Variants in KCNJ3 observed in about 807,000 individuals in gnomAD.
KCNJ3 encodes potassium inwardly rectifying channel subfamily J member 3, also known as G protein-activated inward rectifier potassium channel 1.
Under a neutral mutation model 39.2 loss-of-function variants are expected in KCNJ3, and 4 were observed. That is an observed-to-expected ratio of 0.10 (90% CI 0.05 to 0.23). The LOEUF is 0.23. Ranked by LOEUF, KCNJ3 falls within the 10% of genes least tolerant of loss-of-function variation. KCNJ3 has a pLI of 1.00. For missense variants in KCNJ3, 276 were observed against 634.9 expected (o/e 0.43, Z 6.08); for synonymous variants, 230 against 237.4 (o/e 0.97, Z 0.29).
At chr2:154,802,891 G>A (rs1686844176) in intron 2 of KCNJ3, among the ~76,000 whole-genome samples, 1 of 151,920 alleles carries the variant, frequency 6.6e-6, no homozygotes, top group Admixed American at 6.6e-5. Flanking sequence ...GGAATTGCCT[G>A]TATGGATTGA....
At chr2:154,761,253 C>T (rs1362339340) in intron 2 of KCNJ3, among the ~76,000 whole-genome samples, 2 of 151,952 alleles carry the variant, frequency 1.3e-5, no homozygotes, top group Non-Finnish European at 2.9e-5. Context: ...TTTTCTCCAT[C>T]AAACTGTAGT....
At chr2:154,735,716 G>A (rs1558859993) in intron 2 of KCNJ3, among the ~76,000 whole-genome samples, 1 of 151,912 alleles carries the variant, frequency 6.6e-6, no homozygotes, top group Non-Finnish European at 1.5e-5. Context: ...AAATGTAGTT[G>A]GTCCTTTATA....
At chr2:154,781,348 A>AT (rs1686434385) in intron 2 of KCNJ3, among the ~76,000 whole-genome samples, 1 of 152,224 alleles carries the variant, frequency 6.6e-6, no homozygotes, top group Non-Finnish European at 1.5e-5. Context: ...AATGAACCTT[A>AT]TGACTGTATC....
At chr2:154,730,238 C>T (rs2105166676) in intron 2 of KCNJ3, among the ~76,000 whole-genome samples, 1 of 152,138 alleles carries the variant, frequency 6.6e-6, no homozygotes, top group African/African-American at 2.4e-5. Context: ...AACTTCCTCC[C>T]ACCCCACTGA....
intron 2 of KCNJ3, among the ~76,000 whole-genome samples, chr2:154,716,544 T>C (rs561366845): frequency 7.6e-4 from 115 of 152,256 alleles, no homozygotes; most frequent in Admixed American, 1.2e-3. Flanking sequence ...TTGCAACTCT[T>C]TTTATGCATA....
chr2:154,796,270 A>T (rs928691878), intron 2 of KCNJ3, among the ~76,000 whole-genome samples: 1 of 152,128 alleles, frequency 6.6e-6, no homozygotes, highest in Non-Finnish European at 1.5e-5. Context: ...GAAAAGAAGA[A>T]ATGCCAAGCT....
chr2:154,755,620 A>G (rs957212173), intron 2 of KCNJ3, among the ~76,000 whole-genome samples: 1 of 150,376 alleles, frequency 6.6e-6, no homozygotes, highest in Non-Finnish European at 1.5e-5. Flanking sequence ...TGTTCATAAA[A>G]TCTACGAGGG....
chr2:154,747,398 T>C (rs1685766641), intron 2 of KCNJ3, among the ~76,000 whole-genome samples: 1 of 152,036 alleles, frequency 6.6e-6, no homozygotes, highest in African/African-American at 2.4e-5. Context: ...TTTAAACTTT[T>C]TGCTTATATA....
chr2:154,800,315 C>A (rs1221440882), intron 2 of KCNJ3, among the ~76,000 whole-genome samples: 1 of 152,126 alleles, frequency 6.6e-6, no homozygotes, highest in African/African-American at 2.4e-5. Flanking sequence ...TGTTCCGTTT[C>A]TTTCAGTTTA....
intron 2 of KCNJ3, among the ~76,000 whole-genome samples, chr2:154,807,463 A>G (rs1374815324): frequency 2.0e-5 from 3 of 152,174 alleles, no homozygotes; most frequent in African/African-American, 7.2e-5. Flanking sequence ...CTAGGTTGTA[A>G]ACCTTAAGGT....
intron 2 of KCNJ3, among the ~76,000 whole-genome samples, chr2:154,770,027 A>G (rs1294490047): frequency 1.3e-5 from 2 of 152,184 alleles, no homozygotes; most frequent in Admixed American, 1.3e-4. Flanking sequence ...GCACTATGTT[A>G]TTACTGGTTC....
chr2:154,855,007 A>G lies in KCNJ3; in HGVS notation c.1200A>G (p.Pro400=). 2 of 1,614,098 alleles carry G rather than the reference A, an allele frequency of 1.2e-6. No homozygotes were observed. The highest frequency in any genetic ancestry group is 2.2e-5 in the East Asian group (1 of 44,880). ...DGLDDITTKL[P]SKLQKITGRE... Reference sequence around the variant, plus strand: ...TAGATGATATTACTACAAAACTACCATCTAAGCTGCAGAAAATTACTGGAA... The same window carrying G: ...TAGATGATATTACTACAAAACTACCGTCTAAGCTGCAGAAAATTACTGGAA... The change falls in exon 3 of 3, where the codon CCA becomes CCG. Residue 400 remains proline (P), a synonymous_variant. Transcript: ENST00000295101.
At chr2:154,830,461 T>A (rs2105118762) in intron 2 of KCNJ3, among the ~76,000 whole-genome samples, 1 of 152,286 alleles carries the variant, frequency 6.6e-6, no homozygotes, top group South Asian at 2.1e-4. Flanking sequence ...TTATTATACC[T>A]GTTTTTCCAG....
intron 2 of KCNJ3, among the ~76,000 whole-genome samples, chr2:154,730,191 G>A (rs1685427392): frequency 6.6e-6 from 1 of 152,006 alleles, no homozygotes; most frequent in Admixed American, 6.6e-5. Context: ...AAAGGACATT[G>A]CCTGGGAAAT....
intron 2 of KCNJ3, among the ~76,000 whole-genome samples, chr2:154,765,034 A>G (rs568339446): frequency 4.6e-5 from 7 of 152,244 alleles, no homozygotes; most frequent in African/African-American, 1.7e-4. Context: ...CACGATTGAC[A>G]TTTAGGATCA....
chr2:154,711,266 A>AT (rs770883989), intron 2 of KCNJ3, among the ~76,000 whole-genome samples: 2 of 152,208 alleles, frequency 1.3e-5, no homozygotes, highest in East Asian at 3.9e-4. Context: ...TTACATTTCC[A>AT]TTTTTACTCA....
At chr2:154,707,275 T>C (rs1278604513) in intron 1 of KCNJ3, among the ~76,000 whole-genome samples, 1 of 152,094 alleles carries the variant, frequency 6.6e-6, no homozygotes, top group East Asian at 1.9e-4. Context: ...TGAGTACAGG[T>C]GTAATTTTGA....
intron 2 of KCNJ3, among the ~76,000 whole-genome samples, chr2:154,836,727 A>AAAT (rs1172695556): frequency 4.1e-4 from 63 of 152,334 alleles, no homozygotes; most frequent in African/African-American, 1.5e-3. Flanking sequence ...TAGGTTCTAT[A>AAAT]AATAGCATAA....
At chr2:154,817,817 C>G (rs542276320) in intron 2 of KCNJ3, among the ~76,000 whole-genome samples, 1 of 150,994 alleles carries the variant, frequency 6.6e-6, no homozygotes, top group Middle Eastern at 3.2e-3. Context: ...GTATTTTAAC[C>G]TTTGTTTTAC....
Sources: gnomAD v4.1 joint callset for allele counts (sites outside exome capture counted in the v4.1 genomes callset) on GRCh38, gnomAD v4.1.1 for gene constraint, MANE v1.5 for transcripts, NCBI Gene and HGNC (gene_info 2026-07-23, HGNC 2026-07-21) for gene names.